Variants in ABRAXAS2 observed in about 807,000 individuals in gnomAD.
ABRAXAS2 encodes the protein BRISC complex subunit Abraxas 2.
A neutral mutation model predicts 49.0 loss-of-function variants in ABRAXAS2; 23 were observed. The ratio of observed to expected loss-of-function variants is 0.47; its 90% CI spans 0.34 to 0.66. The LOEUF is 0.66. Among genes scored for constraint, ABRAXAS2 ranks in the 30% least tolerant of loss-of-function variants. The pLI is 0.01. For synonymous variants in ABRAXAS2, 168 were observed against 180.2 expected, an observed-to-expected ratio of 0.93 and a Z score of 0.54; for missense variants, 443 against 511.9, an observed-to-expected ratio of 0.87 and a Z score of 1.30.
chr10:124,825,444 TAA>T (rs1332045303), intron 4 of ABRAXAS2, among the ~76,000 whole-genome samples: 1 of 152,190 alleles, frequency 6.6e-6, no homozygotes, highest in Admixed American at 6.6e-5. Context: ...TAGTACTCCT[TAA>T]GTCAGGAACT....
chr10:124,822,920 T>C (rs1250924327), intron 4 of ABRAXAS2, among the ~76,000 whole-genome samples: 1 of 152,232 alleles, frequency 6.6e-6, no homozygotes, highest in Non-Finnish European at 1.5e-5. Flanking sequence ...CGTTGGTTGC[T>C]ATCTAGAGTT....
At chr10:124,821,207 CT>C (rs1379235729) in intron 4 of ABRAXAS2, among the ~76,000 whole-genome samples, 2 of 151,992 alleles carry the variant, frequency 1.3e-5, no homozygotes, top group Non-Finnish European at 2.9e-5. Flanking sequence ...GCCACTGCAC[CT>C]GGCAGATTTC....
At chr10:124,814,470 G>C (rs11592247) in intron 2 of ABRAXAS2, among the ~76,000 whole-genome samples, 1 of 151,432 alleles carries the variant, frequency 6.6e-6, no homozygotes, top group Non-Finnish European at 1.5e-5. Flanking sequence ...CCACACCTCA[G>C]CCTCCCAAGT....
chr10:124,828,605 C>T, intron 5 of ABRAXAS2, 151 bp from the exon 6 acceptor site: 1 of 565,844 alleles, frequency 1.8e-6, no homozygotes, highest in East Asian at 3.1e-5. Flanking sequence ...AACTCCTGAC[C>T]TCAGGTGATC....
At chr10:124,819,571 T>A (rs1589806723) in intron 4 of ABRAXAS2, 121 bp downstream of exon 4, 1 of 898,908 alleles carries the variant, frequency 1.1e-6, no homozygotes, top group Non-Finnish European at 1.7e-6. Flanking sequence ...AAAGTTTTGT[T>A]AACCTACATA....
intron 2 of ABRAXAS2, among the ~76,000 whole-genome samples, chr10:124,811,218 AT>A (rs202232367): frequency 1.3e-5 from 2 of 152,044 alleles, no homozygotes; most frequent in East Asian, 3.9e-4. Flanking sequence ...TCTCAAAAAA[AT>A]AAATAAATAA....
Position 124,828,738 on chromosome 10 carries a change from T to G in ABRAXAS2, c.459-18T>G. 6.2e-7 allele frequency: 1 copy of G among 1,610,236 alleles called. No homozygotes were observed. The highest frequency in any genetic ancestry group is 8.5e-7 in the Non-Finnish European group (1 of 1,177,472). ...AGAATGGTACATTTAACATGATCTC[T>G]CTGAATTTTTCCCATAGGTATAATC... On this transcript the variant is annotated intron_variant, in intron 5 of 8. Coordinates refer to ENST00000298492, the MANE Select transcript of ABRAXAS2 (RefSeq NM_032182.4).
At chr10:124,827,162 ATTT>A (rs776501428) in intron 5 of ABRAXAS2, among the ~76,000 whole-genome samples, 1 of 137,242 alleles carries the variant, frequency 7.3e-6, no homozygotes, top group Non-Finnish European at 1.6e-5. Context: ...ATTATAGTGC[ATTT>A]TTTTTTTTTT....
chr10:124,826,868 C>A, intron 5 of ABRAXAS2, 83 bp downstream of exon 5: 1 of 1,319,752 alleles, frequency 7.6e-7, no homozygotes, highest in Non-Finnish European at 1.1e-6. Flanking sequence ...AATCCCAGCA[C>A]TTTGGAAGGC....
intron 4 of ABRAXAS2, among the ~76,000 whole-genome samples, chr10:124,821,874 A>G (rs1376027982): frequency 3.3e-5 from 5 of 152,218 alleles, no homozygotes; most frequent in African/African-American, 1.2e-4. Context: ...TGGGTTCAAC[A>G]ATACAACAAC....
intron 2 of ABRAXAS2, among the ~76,000 whole-genome samples, chr10:124,814,029 T>C (rs1246705832): frequency 6.6e-6 from 1 of 152,246 alleles, no homozygotes; most frequent in African/African-American, 2.4e-5. Flanking sequence ...TTCACTTTTG[T>C]TGCCCAGGCT....
At chr10:124,822,544 G>A (rs1950868124) in intron 4 of ABRAXAS2, among the ~76,000 whole-genome samples, 1 of 152,050 alleles carries the variant, frequency 6.6e-6, no homozygotes, top group African/African-American at 2.4e-5. Flanking sequence ...TGTAATCCCA[G>A]CACTTTGGGA....
chr10:124,806,091 G>A (rs573488286), intron 1 of ABRAXAS2, among the ~76,000 whole-genome samples: 273 of 152,144 alleles, frequency 1.8e-3, no homozygotes, highest in African/African-American at 6.1e-3. Flanking sequence ...ACGAGGTCAG[G>A]AGATCGAGAC....
chr10:124,819,366 T>C lies in ABRAXAS2; in HGVS notation c.201-18T>C. The C allele has an allele frequency of 1.2e-6, 2 of 1,610,722 alleles. No individual in the cohort carries two copies. The highest frequency in any genetic ancestry group is 1.7e-6 in the Non-Finnish European group (2 of 1,177,020). On this transcript the variant is annotated intron_variant, in intron 3 of 8. Coordinates refer to ENST00000298492, the MANE Select transcript of ABRAXAS2 (RefSeq NM_032182.4). ...AATACTATGTGGTGTTAGTACAAGA[T>C]TTTTTTCTCTTAAACAGTTTTTATG...
chr10:124,830,774 AT>A (rs1950928004), intron 7 of ABRAXAS2, among the ~76,000 whole-genome samples: 1 of 152,372 alleles, frequency 6.6e-6, no homozygotes, highest in Non-Finnish European at 1.5e-5. Context: ...AGTGGCTGTT[AT>A]ATTTCATTGT....
intron 5 of ABRAXAS2, 80 bp downstream of exon 5, chr10:124,826,865 GC>G (rs1324284432): frequency 2.6e-5 from 36 of 1,383,856 alleles, no homozygotes; most frequent in Non-Finnish European, 3.4e-5. Context: ...TGTAATCCCA[GC>G]ACTTTGGAAG....
intron 2 of ABRAXAS2, among the ~76,000 whole-genome samples, chr10:124,811,873 G>A (rs1359383368): frequency 1.3e-5 from 2 of 152,078 alleles, no homozygotes; most frequent in African/African-American, 4.8e-5. Context: ...CGCTTCCCAG[G>A]TTCAAGTGAT....
intron 6 of ABRAXAS2, 115 bp downstream of exon 6, chr10:124,828,990 G>A: frequency 2.0e-6 from 2 of 994,170 alleles, no homozygotes; most frequent in Admixed American, 2.5e-5. Flanking sequence ...GATTAAAATT[G>A]AAGAATACAG....
chr10:124,817,229 G>A (rs1950830210), intron 3 of ABRAXAS2, among the ~76,000 whole-genome samples: 1 of 152,086 alleles, frequency 6.6e-6, no homozygotes, highest in Admixed American at 6.6e-5. Context: ...TGAAACCGCA[G>A]ACAAGAGGGG....
Sources: gnomAD v4.1 joint callset for allele counts (sites outside exome capture counted in the v4.1 genomes callset) on GRCh38, gnomAD v4.1.1 for gene constraint, MANE v1.5 for transcripts, NCBI Gene and HGNC (gene_info 2026-07-23, HGNC 2026-07-21) for gene names.